Variants in CAMK2D observed in about 807,000 individuals in gnomAD.
CAMK2D encodes calcium/calmodulin dependent protein kinase II delta, also known as calcium/calmodulin-dependent protein kinase type II subunit delta.
A neutral mutation model predicts 84.0 loss-of-function variants in CAMK2D; 37 were observed. The observed-to-expected ratio is 0.44, with a 90% CI of 0.34 to 0.58. The LOEUF (loss-of-function observed/expected upper bound fraction) is 0.58. CAMK2D is among the 20% of genes least tolerant of loss of function. CAMK2D has a pLI of 0.02. For missense variants in CAMK2D, 448 were observed against 652.5 expected, an observed-to-expected ratio of 0.69 and a Z score of 3.41; for synonymous variants, 202 against 212.5, an observed-to-expected ratio of 0.95 and a Z score of 0.43.
chr4:113,761,715 T>A lies in CAMK2D; in HGVS notation c.-647A>T, dbSNP rs556358169. 7.6e-6 allele frequency: 7 copies of A among 925,780 alleles called. No homozygotes were observed. Among genetic ancestry groups the A allele is most frequent in the Middle Eastern group, 5.4e-4 (1 of 1,842 alleles). 57.3% of individuals were successfully genotyped at this position (925,780 alleles called of 1,614,324 possible). A position where few individuals can be genotyped will look rare whatever the true frequency, so the allele number is the denominator to read the frequency against. ...GCGCTGCTCACGAGCCCGCGCGGCT[T>A]CAAGACGGCGCGGCGAGAGAAAGAG... On this transcript the variant is annotated 5_prime_UTR_variant, in exon 1 of 21. Coordinates refer to ENST00000511664, the MANE Select transcript of CAMK2D (RefSeq NM_001321571.2).
intron 2 of CAMK2D, among the ~76,000 whole-genome samples, chr4:113,735,937 A>G (rs1361617820): frequency 6.6e-6 from 1 of 152,178 alleles, no homozygotes; most frequent in Non-Finnish European, 1.5e-5. Context: ...AAATAAAAAT[A>G]TCCTGTTGTT....
At chr4:113,658,014 G>A (rs953223556) in intron 3 of CAMK2D, among the ~76,000 whole-genome samples, 32 of 152,158 alleles carry the variant, frequency 2.1e-4, no homozygotes, top group Admixed American at 2.1e-3. Context: ...ATATGATTCA[G>A]TCATGATTGA....
intron 2 of CAMK2D, among the ~76,000 whole-genome samples, chr4:113,690,534 A>G (rs746753460): frequency 2.6e-5 from 4 of 152,220 alleles, no homozygotes; most frequent in Non-Finnish European, 4.4e-5. Context: ...AGGCAACAGT[A>G]TTTAATTATA....
chr4:113,707,353 G>A (rs906766675), intron 2 of CAMK2D, among the ~76,000 whole-genome samples: 4 of 152,266 alleles, frequency 2.6e-5, no homozygotes, highest in African/African-American at 9.6e-5. Flanking sequence ...CAAGGAGTCA[G>A]GCTGTGAAGA....
chr4:113,452,730 A>G lies in CAMK2D; in HGVS notation c.*1815T>C, dbSNP rs568976916. The G allele has an allele frequency of 4.5e-4, 68 of 152,714 alleles. No homozygotes were observed. Among genetic ancestry groups the G allele is most frequent in the African/African-American group, 1.6e-3 (66 of 41,562 alleles). 9.5% of individuals were successfully genotyped at this position (152,714 alleles called of 1,614,324 possible). A position where few individuals can be genotyped will look rare whatever the true frequency, so the allele number is the denominator to read the frequency against. On this transcript the variant is annotated 3_prime_UTR_variant, in exon 21 of 21. Coordinates refer to ENST00000511664, the MANE Select transcript of CAMK2D (RefSeq NM_001321571.2). ...TATAGCTGCTTCACAAAAGGGTAAA[A>G]GAAATTAAAAAGAGAAAAATGAGGC...
rs765947841 is a variant in CAMK2D, at chr4:113,735,223, G to A, written c.160+24097C>T. On this transcript the variant is annotated intron_variant, in intron 2 of 20. Transcript: ENST00000511664. ...TCCTAGCACTTTGGGAGGCCAAGGC[G>A]GGTGGATCACTTGAGCTCAAGAGTT... Among the ~76,000 whole-genome samples, 160 of 147,442 alleles carry A rather than the reference G, an allele frequency of 1.1e-3. 1 individual carries two copies. Among genetic ancestry groups the A allele is most frequent in the African/African-American group, 3.8e-3 (150 of 39,196 alleles).
intron 3 of CAMK2D, among the ~76,000 whole-genome samples, chr4:113,634,089 C>G (rs1017202976): frequency 4.6e-5 from 7 of 152,228 alleles, no homozygotes; most frequent in Admixed American, 2.6e-4. Flanking sequence ...ATAGTCCAAT[C>G]TGTAGTACAG....
chr4:113,479,680 G>A (rs552127524), intron 16 of CAMK2D, among the ~76,000 whole-genome samples: 72 of 152,252 alleles, frequency 4.7e-4, no homozygotes, highest in Non-Finnish European at 8.8e-4. Flanking sequence ...TATGTAGTTT[G>A]GGTATTTATG....
rs570234470 is a variant in CAMK2D, at chr4:113,494,191, G to A, written c.1135+6272C>T. ...TGTTCCGTTGCTGGTGAGGAACTGC[G>A]TTCCTTTGGAGGAGGAGAGGCACTC... is the stretch of plus-strand genomic sequence containing the variant. On this transcript the variant is annotated intron_variant, in intron 16 of 20. Transcript: ENST00000511664. 3.6e-3 allele frequency among the ~76,000 whole-genome samples: 542 copies of A among 152,120 alleles called. 3 individuals carry two copies. The highest frequency in any genetic ancestry group is 0.012 in the African/African-American group (517 of 41,556).
chr4:113,591,816 C>T (rs754265574), intron 4 of CAMK2D, among the ~76,000 whole-genome samples: 30 of 152,248 alleles, frequency 2.0e-4, no homozygotes, highest in Middle Eastern at 6.8e-3. Flanking sequence ...GAGCTAGAAT[C>T]TGTGACTAAG....
chr4:113,546,648 T>C (rs909607521), intron 6 of CAMK2D, among the ~76,000 whole-genome samples: 6 of 152,192 alleles, frequency 3.9e-5, no homozygotes, highest in African/African-American at 9.6e-5. Context: ...TAAACACACA[T>C]AGTTTTAGAC....
In CAMK2D at chr4:113,462,330, GTCTGTCTGTCTATCTA is replaced by G. The variant is rs1398130051; in HGVS notation, c.1212-2105_1212-2090del. On this transcript the variant is annotated intron_variant, in intron 17 of 20. Transcript: ENST00000511664. ...TGTCTGTCTGTCTGTCTGTCTGTCT[GTCTGTCTGTCTATCTA>G]TCTATCTATCTATCTATCTATCTAA... 4.3e-4 allele frequency among the ~76,000 whole-genome samples: 56 copies of G among 129,346 alleles called. 1 individual carries two copies. Among genetic ancestry groups the G allele is most frequent in the Admixed American group, 3.2e-3 (40 of 12,462 alleles). The allele number at this position is 129,346 out of a possible 152,430, so 84.9% of individuals were successfully genotyped here.
At chr4:113,466,125 G>T (rs2097459849) in intron 16 of CAMK2D, among the ~76,000 whole-genome samples, 1 of 151,726 alleles carries the variant, frequency 6.6e-6, no homozygotes, top group Non-Finnish European at 1.5e-5. Context: ...GCTTGGTGGC[G>T]CATGCCTATA....
intron 16 of CAMK2D, among the ~76,000 whole-genome samples, chr4:113,493,816 A>C (rs911280180): frequency 1.3e-4 from 20 of 151,482 alleles, no homozygotes; most frequent in Admixed American, 3.3e-4. Context: ...ACATAGTCCC[A>C]TATTTCTTGG....
intron 2 of CAMK2D, among the ~76,000 whole-genome samples, chr4:113,707,201 T>C (rs923641580): frequency 2.0e-5 from 3 of 152,186 alleles, no homozygotes; most frequent in African/African-American, 7.2e-5. Context: ...TTTCTTATTT[T>C]ACTCATCACT....
At chr4:113,586,309 G>T (rs575423084) in intron 4 of CAMK2D, among the ~76,000 whole-genome samples, 132 of 152,158 alleles carry the variant, frequency 8.7e-4, no homozygotes, top group East Asian at 7.7e-4. Context: ...CACCATATTG[G>T]ATAAATGTGC....
At chr4:113,580,342 T>C (rs1288392495) in intron 4 of CAMK2D, among the ~76,000 whole-genome samples, 4 of 152,204 alleles carry the variant, frequency 2.6e-5, no homozygotes, top group African/African-American at 9.6e-5. Flanking sequence ...ACAGAAATGG[T>C]TTTTCATATT....
At chr4:113,503,011 C>T (rs187401069) in intron 14 of CAMK2D, 34 bp from the exon 15 acceptor site, 79 of 1,493,594 alleles carry the variant, frequency 5.3e-5, no homozygotes, top group East Asian at 5.0e-4. Flanking sequence ...AGAAACAGTT[C>T]GCATTGGTAA....
At chr4:113,729,427 G>A (rs2099556135) in intron 2 of CAMK2D, among the ~76,000 whole-genome samples, 1 of 152,012 alleles carries the variant, frequency 6.6e-6, no homozygotes, top group Non-Finnish European at 1.5e-5. Flanking sequence ...AACTACACTG[G>A]GCCTTTCCTT....
Sources: gnomAD v4.1 joint callset for allele counts (sites outside exome capture counted in the v4.1 genomes callset) on GRCh38, gnomAD v4.1.1 for gene constraint, MANE v1.5 for transcripts, NCBI Gene and HGNC (gene_info 2026-07-23, HGNC 2026-07-21) for gene names.